The following NIM1K variants were observed in gnomAD, a reference collection of about 807,000 sequenced individuals.
NIM1K encodes serine/threonine-protein kinase NIM1.
Under a neutral mutation model 37.1 loss-of-function variants are expected in NIM1K, and 35 were observed. That is an observed-to-expected ratio of 0.94 (90% CI 0.72 to 1.25). The LOEUF (loss-of-function observed/expected upper bound fraction) is 1.25. NIM1K is among the 50% of genes most tolerant of loss of function. NIM1K has a pLI of 0.00. For synonymous variants in NIM1K, 234 were observed against 206.6 expected (o/e 1.13, Z -1.14); for missense variants, 564 against 548.0 (o/e 1.03, Z -0.29).
At chr5:43,233,174 G>A in intron 1 of NIM1K, 1 of 1,232,266 alleles carries the variant, frequency 8.1e-7, no homozygotes, top group East Asian at 2.3e-5. Context: ...GGTCACGCAT[G>A]ATTACTGCTT....
chr5:43,213,635 A>C (rs1447326806), intron 1 of NIM1K, among the ~76,000 whole-genome samples: 1 of 152,222 alleles, frequency 6.6e-6, no homozygotes, highest in Non-Finnish European at 1.5e-5. Context: ...CTGGGATTAC[A>C]GGTGCCTGCC....
chr5:43,276,786 G>A (rs185004508), intron 2 of NIM1K, among the ~76,000 whole-genome samples: 132 of 152,324 alleles, frequency 8.7e-4, no homozygotes, highest in Non-Finnish European at 1.0e-3. Flanking sequence ...AGTTCTCTCC[G>A]GGCTTAGCAA....
At chr5:43,222,292 T>C (rs764777421) in intron 1 of NIM1K, among the ~76,000 whole-genome samples, 15 of 152,216 alleles carry the variant, frequency 9.9e-5, no homozygotes, top group Admixed American at 7.2e-4. Flanking sequence ...GATGAATTTA[T>C]AATAATCAAA....
rs538155767 is a variant in NIM1K, at chr5:43,268,464, G to A, written c.293-8593G>A. On this transcript the variant is annotated intron_variant, in intron 2 of 3. Transcript: ENST00000326035. ...GGAGATGAAATCATATGGAGTTGAAGCTGTCCTCTTGTGCTGAGTCACTTC... is the reference window on the plus strand; with the variant it reads ...GGAGATGAAATCATATGGAGTTGAAACTGTCCTCTTGTGCTGAGTCACTTC... Among the ~76,000 whole-genome samples the A allele has an allele frequency of 1.6e-4, 25 of 152,132 alleles. No homozygotes were observed. The South Asian group carries it at 2.7e-3, about 16-fold the overall frequency.
At chr5:43,196,810 TTGCCCAGGGTA>T (rs1189502375) in intron 1 of NIM1K, among the ~76,000 whole-genome samples, 1 of 152,104 alleles carries the variant, frequency 6.6e-6, no homozygotes, top group Non-Finnish European at 1.5e-5. Context: ...TCTCACACTG[TTGCCCAGGGTA>T]GAGTACAGTG....
chr5:43,279,173 A>C (rs928030340), intron 3 of NIM1K, among the ~76,000 whole-genome samples: 4 of 152,222 alleles, frequency 2.6e-5, no homozygotes, highest in Non-Finnish European at 5.9e-5. Flanking sequence ...TGCCAAGACC[A>C]TGCTGAGCAC....
intron 3 of NIM1K, 37 bp downstream of exon 3, chr5:43,277,362 T>C (rs1483323678): frequency 6.3e-7 from 1 of 1,595,372 alleles, no homozygotes; most frequent in Non-Finnish European, 8.5e-7. Flanking sequence ...TTGCTCCCAT[T>C]GCACTGACAC....
At position 43,245,860 on chromosome 5, in the gene NIM1K, T is replaced by C; in HGVS notation, c.85T>C (p.Cys29Arg). Residue 29 changes from cysteine to arginine, a missense_variant, in exon 2 of 4, where the codon TGT becomes CGT. Coordinates refer to ENST00000326035, the MANE Select transcript of NIM1K (RefSeq NM_153361.4). The part of the protein sequence containing the change: ...WDRRDSVESG[C>R]QTESSKEGEE... The stretch of plus-strand genomic sequence containing the variant: ...TCGGCGCGACAGTGTAGAAAGTGGC[T>C]GTCAGACCGAGAGTAGCAAGGAGGG... The C allele has an allele frequency of 1.2e-6, 2 of 1,614,018 alleles. No individual in the cohort carries two copies. Among genetic ancestry groups the C allele is most frequent in the South Asian group, 2.2e-5 (2 of 91,072 alleles).
In NIM1K at chr5:43,253,596, C is replaced by T. The variant is rs143483579; in HGVS notation, c.292+7529C>T. Among the ~76,000 whole-genome samples, 373 of 151,700 alleles carry T rather than the reference C, an allele frequency of 2.5e-3. 1 individual carries two copies. Among genetic ancestry groups the T allele is most frequent in the African/African-American group, 8.6e-3 (354 of 41,362 alleles). ...TGGGAAAGAGATAAGGTGGATGGGG[C>T]TTGATCATGGAAAATCTTCTTGCAT... On this transcript the variant is annotated intron_variant, in intron 2 of 3. Coordinates refer to ENST00000326035, the MANE Select transcript of NIM1K (RefSeq NM_153361.4).
chr5:43,225,772 C>G (rs1561079033), intron 1 of NIM1K: 1 of 153,718 alleles, frequency 6.5e-6, no homozygotes, highest in Non-Finnish European at 1.5e-5. Context: ...GGCCAGAAAA[C>G]TGCTTGTTAT....
rs780484233 is a variant in NIM1K at position 43,277,083 on chromosome 5, A to G, written c.319A>G (p.Lys107Glu). The G allele has an allele frequency of 1.9e-6, 3 of 1,614,096 alleles. No homozygotes were observed. The highest frequency in any genetic ancestry group is 2.2e-5 in the South Asian group (2 of 91,052). The change falls in exon 3 of 4, where the codon AAG becomes GAG. Residue 107 changes from lysine (K) to glutamate (E), a missense_variant. By Grantham distance (56) the Lys-to-Glu change is moderately conservative. Coordinates refer to ENST00000326035, the MANE Select transcript of NIM1K (RefSeq NM_153361.4). ...AAAGGTGGCCATTAAGATCCTGGACAAGACCAAGTTAGACCAGAAAACCCA... is the reference window on the plus strand; with the variant it reads ...AAAGGTGGCCATTAAGATCCTGGACGAGACCAAGTTAGACCAGAAAACCCA... ...KEKVAIKILD[K>E]TKLDQKTQRL... is the part of the protein sequence containing the mutation.
At chr5:43,274,466 C>T (rs989862945) in intron 2 of NIM1K, among the ~76,000 whole-genome samples, 4 of 152,122 alleles carry the variant, frequency 2.6e-5, no homozygotes, top group African/African-American at 9.7e-5. Flanking sequence ...ATTAATCTAG[C>T]CCTTAAAACA....
At chr5:43,204,492 A>C (rs1171556643) in intron 1 of NIM1K, among the ~76,000 whole-genome samples, 1 of 150,800 alleles carries the variant, frequency 6.6e-6, no homozygotes, top group African/African-American at 2.4e-5. Flanking sequence ...ACCTGAGGTC[A>C]GGAGTTCAAG....
intron 2 of NIM1K, among the ~76,000 whole-genome samples, chr5:43,269,019 C>T (rs1273247702): frequency 6.6e-6 from 1 of 151,772 alleles, no homozygotes; most frequent in East Asian, 1.9e-4. Flanking sequence ...TAAGAATAGC[C>T]ACTCCTACCC....
intron 1 of NIM1K, chr5:43,207,271 C>T: frequency 1.3e-6 from 1 of 759,020 alleles, no homozygotes; most frequent in Middle Eastern, 3.1e-4. Flanking sequence ...AAGATGTACT[C>T]ATTCTGGGAG....
chr5:43,257,322 A>G (rs1301571419), intron 2 of NIM1K, among the ~76,000 whole-genome samples: 1 of 150,730 alleles, frequency 6.6e-6, no homozygotes, highest in Admixed American at 6.6e-5. Flanking sequence ...TGGGTTCAAG[A>G]GAGGATAATG....
rs186252696 is a variant in NIM1K, at chr5:43,262,988, T to G, written c.293-14069T>G. 3.0e-3 allele frequency among the ~76,000 whole-genome samples: 451 copies of G among 152,320 alleles called. 1 individual carries two copies. Among genetic ancestry groups the G allele is most frequent in the African/African-American group, 0.01 (436 of 41,564 alleles). ...ACTTGATCGTGGTGGATAAGCTTTT[T>G]GATGTGCTGCTGGATTCAGTTTGCC... is the stretch of plus-strand genomic sequence containing the variant. On this transcript the variant is annotated intron_variant, in intron 2 of 3. Transcript: ENST00000326035.
At chr5:43,270,087 C>T (rs559289145) in intron 2 of NIM1K, among the ~76,000 whole-genome samples, 3 of 152,294 alleles carry the variant, frequency 2.0e-5, no homozygotes, top group Middle Eastern at 6.8e-3. Flanking sequence ...CTGGAAAAGA[C>T]TTTATTTCTC....
intron 2 of NIM1K, among the ~76,000 whole-genome samples, chr5:43,265,045 C>G (rs975124631): frequency 6.6e-6 from 1 of 152,204 alleles, no homozygotes; most frequent in African/African-American, 2.4e-5. Context: ...TCTGGCTGCC[C>G]TTAACATTTT....
Sources: allele counts gnomAD v4.1 joint callset (sites outside exome capture counted in the v4.1 genomes callset), GRCh38; gene constraint gnomAD v4.1.1; transcripts MANE v1.5; gene names NCBI Gene and HGNC (gene_info 2026-07-23, HGNC 2026-07-21).